The following SOX6 variants were observed in gnomAD, a reference collection of about 807,000 sequenced individuals.
SOX6 encodes transcription factor SOX-6.
SOX6 carries 11 observed loss-of-function variants against 97.8 expected under a neutral mutation model. The ratio of observed to expected loss-of-function variants is 0.11; its 90% CI spans 0.07 to 0.19. The LOEUF is 0.19. SOX6 is among the 10% of genes least tolerant of loss of function. The pLI is 1.00. For synonymous variants in SOX6, 360 were observed against 371.4 expected (o/e 0.97, Z 0.35); for missense variants, 810 against 1,039.5 (o/e 0.78, Z 3.04).
At chr11:16,214,203 C>T (rs1852304500) in intron 4 of SOX6, among the ~76,000 whole-genome samples, 1 of 152,146 alleles carries the variant, frequency 6.6e-6, no homozygotes, top group African/African-American at 2.4e-5. Flanking sequence ...TATTGGGCAA[C>T]ACAGGTTTAG....
intron 4 of SOX6, among the ~76,000 whole-genome samples, chr11:16,198,942 C>T (rs1851861993): frequency 6.6e-6 from 1 of 152,126 alleles, no homozygotes; most frequent in Admixed American, 6.5e-5. Flanking sequence ...ACAATGTATA[C>T]TTCCTACGTG....
At chr11:16,112,971 C>T (rs1373719494) in intron 6 of SOX6, among the ~76,000 whole-genome samples, 1 of 152,114 alleles carries the variant, frequency 6.6e-6, no homozygotes, top group African/African-American at 2.4e-5. Context: ...TATAAAAGGG[C>T]TATATTATAT....
At chr11:16,134,603 C>T (rs1424565045) in intron 6 of SOX6, among the ~76,000 whole-genome samples, 3 of 152,124 alleles carry the variant, frequency 2.0e-5, no homozygotes, top group African/African-American at 7.2e-5. Flanking sequence ...TGGTAATTCT[C>T]GCAATATTTC....
intron 2 of SOX6, among the ~76,000 whole-genome samples, chr11:16,338,120 CA>C (rs1856518605): frequency 6.6e-6 from 1 of 151,992 alleles, no homozygotes; most frequent in African/African-American, 2.4e-5. Flanking sequence ...AAGTAAATAA[CA>C]ATGGAAACTG....
intron 9 of SOX6, among the ~76,000 whole-genome samples, chr11:16,093,702 T>G (rs1008854867): frequency 6.6e-6 from 1 of 151,966 alleles, no homozygotes; most frequent in African/African-American, 2.4e-5. Flanking sequence ...TAGCAATAGT[T>G]TATCATGATC....
At chr11:16,366,845 C>A (rs1857372473) in intron 1 of SOX6, among the ~76,000 whole-genome samples, 1 of 152,088 alleles carries the variant, frequency 6.6e-6, no homozygotes. Context: ...CATCATAACA[C>A]AAGTGTAAGA....
At chr11:16,468,163 T>C (rs922987810) in intron 1 of SOX6, among the ~76,000 whole-genome samples, 1 of 152,206 alleles carries the variant, frequency 6.6e-6, no homozygotes, top group Non-Finnish European at 1.5e-5. Flanking sequence ...TGAATCACTT[T>C]AATGTTGACT....
intron 6 of SOX6, among the ~76,000 whole-genome samples, chr11:16,146,930 T>C (rs900036081): frequency 2.6e-5 from 4 of 152,216 alleles, no homozygotes; most frequent in African/African-American, 9.6e-5. Flanking sequence ...TCGACCATTG[T>C]GGAAGACAGT....
intron 3 of SOX6, among the ~76,000 whole-genome samples, chr11:16,249,161 G>C (rs374789641): frequency 6.6e-6 from 1 of 151,798 alleles, no homozygotes; most frequent in East Asian, 1.9e-4. Flanking sequence ...TTCTGCAGCA[G>C]GCTTGAATTT....
At chr11:16,003,856 C>T (rs912930629) in intron 13 of SOX6, among the ~76,000 whole-genome samples, 5 of 151,966 alleles carry the variant, frequency 3.3e-5, no homozygotes, top group African/African-American at 1.2e-4. Flanking sequence ...TCCAATCTTA[C>T]TTCTTTGATT....
chr11:16,173,368 C>G (rs1023886410), intron 6 of SOX6, among the ~76,000 whole-genome samples: 2 of 151,684 alleles, frequency 1.3e-5, no homozygotes, highest in Non-Finnish European at 2.9e-5. Flanking sequence ...ATTGTTGATT[C>G]CATAGAAGAA....
chr11:16,067,292 T>C (rs1848114804), intron 9 of SOX6, among the ~76,000 whole-genome samples: 1 of 152,190 alleles, frequency 6.6e-6, no homozygotes, highest in Non-Finnish European at 1.5e-5. Context: ...AAATTTCATC[T>C]TGAATTGTAG....
chr11:16,716,197 C>T lies in SOX6; in HGVS notation n.354-1292G>A, dbSNP rs141415207. Among the ~76,000 whole-genome samples the T allele has an allele frequency of 7.7e-3, 1,170 of 152,256 alleles. 14 individuals carry two copies. The highest frequency in any genetic ancestry group is 0.027 in the African/African-American group (1,116 of 41,556). On this transcript the variant is annotated intron_variant and non_coding_transcript_variant, in intron 2 of 5. Transcript: ENST00000524520. ...GTCGCAGTGAACTGACACTGTGCCACTGCACTCTAGTCCGGGTGACAGAGC... is the reference window on the plus strand; with the variant it reads ...GTCGCAGTGAACTGACACTGTGCCATTGCACTCTAGTCCGGGTGACAGAGC...
At chr11:16,435,287 G>A (rs951835028) in intron 1 of SOX6, among the ~76,000 whole-genome samples, 2 of 152,128 alleles carry the variant, frequency 1.3e-5, no homozygotes, top group African/African-American at 4.8e-5. Flanking sequence ...AAACTGAAAA[G>A]TTAGCCTTAG....
intron 1 of SOX6, among the ~76,000 whole-genome samples, chr11:16,466,780 A>C (rs1272767308): frequency 6.6e-6 from 1 of 150,524 alleles, no homozygotes; most frequent in Non-Finnish European, 1.5e-5. Context: ...AATACAAAAA[A>C]ATTAGCCGGG....
intron 1 of SOX6, among the ~76,000 whole-genome samples, chr11:16,361,730 G>A (rs750148788): frequency 7.2e-5 from 11 of 152,128 alleles, no homozygotes; most frequent in Admixed American, 1.3e-4. Flanking sequence ...CCAAGGAATG[G>A]CCTGATGAAG....
chr11:16,460,894 T>A (rs910615267), intron 1 of SOX6, among the ~76,000 whole-genome samples: 1 of 152,152 alleles, frequency 6.6e-6, no homozygotes, highest in Non-Finnish European at 1.5e-5. Flanking sequence ...TCTGAAATCA[T>A]CAAGGCCCTG....
intron 9 of SOX6, among the ~76,000 whole-genome samples, chr11:16,061,797 G>T (rs1011170987): frequency 6.6e-5 from 10 of 151,756 alleles, no homozygotes; most frequent in African/African-American, 2.2e-4. Context: ...TTGGCAAAAG[G>T]ACATTCTTTT....
Position 16,625,174 on chromosome 11 carries a change from G to A in SOX6, n.430-12914C>T, listed in dbSNP as rs35416381. Among the ~76,000 whole-genome samples, 1,141 of 152,024 alleles carry A rather than the reference G, an allele frequency of 7.5e-3. 1 individual carries two copies. Among genetic ancestry groups the A allele is most frequent in the Non-Finnish European group, 0.013 (881 of 67,962 alleles). On this transcript the variant is annotated intron_variant and non_coding_transcript_variant, in intron 3 of 5. Transcript: ENST00000524520. ...TTTTCTTTTATCACTAGTTTTCTAG[G>A]TCCTGTCTAAAAAACAAATTCCATT... is the stretch of plus-strand genomic sequence containing the variant.
Sources: allele counts gnomAD v4.1 joint callset (sites outside exome capture counted in the v4.1 genomes callset), GRCh38; gene constraint gnomAD v4.1.1; transcripts MANE v1.5; gene names NCBI Gene and HGNC (gene_info 2026-07-23, HGNC 2026-07-21).